The following CDH13 variants were observed in gnomAD, a reference collection of about 807,000 sequenced individuals.
The protein encoded by CDH13 is cadherin 13.
CDH13 carries 24 observed loss-of-function variants against 63.8 expected under a neutral mutation model. That is an observed-to-expected ratio of 0.38 (90% CI 0.27 to 0.53). CDH13 has a LOEUF of 0.53. CDH13 is among the 20% of genes least tolerant of loss of function. CDH13 has a pLI of 0.85. For synonymous variants in CDH13, 503 were observed against 355.3 expected, an observed-to-expected ratio of 1.42 and a Z score of -4.67; for missense variants, 1,049 against 903.1, an observed-to-expected ratio of 1.16 and a Z score of -2.07.
chr16:83,006,932 G>GTTTGTT (rs1555560586), intron 2 of CDH13, among the ~76,000 whole-genome samples: 16 of 121,762 alleles, frequency 1.3e-4, no homozygotes, highest in East Asian at 8.8e-4. Context: ...TTGTTTGTTT[G>GTTTGTT]TTTTTTTTGA....
At chr16:83,616,787 G>T (rs2150771065) in intron 8 of CDH13, among the ~76,000 whole-genome samples, 1 of 152,234 alleles carries the variant, frequency 6.6e-6, no homozygotes, top group African/African-American at 2.4e-5. Context: ...AACAATTTTA[G>T]AAGTAAGATC....
intron 8 of CDH13, among the ~76,000 whole-genome samples, chr16:83,651,579 T>G (rs1912377783): frequency 6.7e-6 from 1 of 149,178 alleles, no homozygotes; most frequent in African/African-American, 2.5e-5. Context: ...ATTGGTCTTT[T>G]ATTTTCCTCT....
intron 7 of CDH13, among the ~76,000 whole-genome samples, chr16:83,522,384 T>TGA (rs965844069): frequency 9.2e-5 from 14 of 152,318 alleles, no homozygotes; most frequent in Admixed American, 8.5e-4. Context: ...CATGAGTATA[T>TGA]GAGGTAAGGC....
At chr16:83,788,324 C>A (rs1349942783) in intron 13 of CDH13, among the ~76,000 whole-genome samples, 4 of 152,186 alleles carry the variant, frequency 2.6e-5, no homozygotes, top group Non-Finnish European at 5.9e-5. Flanking sequence ...CCAGGCCCAT[C>A]CAACCTATGG....
At chr16:83,569,366 T>A (rs1032949801) in intron 7 of CDH13, among the ~76,000 whole-genome samples, 3 of 152,202 alleles carry the variant, frequency 2.0e-5, no homozygotes, top group African/African-American at 7.2e-5. Context: ...TGTAAGCCAG[T>A]CTGCTCAGGG....
At chr16:83,498,232 C>T (rs528173421) in intron 7 of CDH13, among the ~76,000 whole-genome samples, 2 of 152,204 alleles carry the variant, frequency 1.3e-5, no homozygotes, top group East Asian at 3.9e-4. Context: ...AGGGGCACTC[C>T]CTGGAGCTGA....
intron 11 of CDH13, among the ~76,000 whole-genome samples, chr16:83,762,053 C>A (rs1044116533): frequency 6.6e-6 from 1 of 151,988 alleles, no homozygotes; most frequent in Non-Finnish European, 1.5e-5. Context: ...CAGAGCGAGA[C>A]CCCACCTAAA....
chr16:83,299,911 C>T (rs1042837780), intron 5 of CDH13, among the ~76,000 whole-genome samples: 2 of 152,158 alleles, frequency 1.3e-5, no homozygotes, highest in Admixed American at 6.5e-5. Context: ...CGATGCTGAC[C>T]AGGGCTACAA....
intron 5 of CDH13, among the ~76,000 whole-genome samples, chr16:83,341,536 C>T (rs963410427): frequency 6.6e-6 from 1 of 152,192 alleles, no homozygotes; most frequent in African/African-American, 2.4e-5. Flanking sequence ...CTGGATGAAC[C>T]TCTGCATAAA....
At chr16:83,533,542 G>C (rs150608867) in intron 7 of CDH13, among the ~76,000 whole-genome samples, 2 of 152,202 alleles carry the variant, frequency 1.3e-5, no homozygotes, top group African/African-American at 4.8e-5. Context: ...CCCAGCACAA[G>C]GAGGTGGTGG....
chr16:82,664,464 C>T (rs1912351880), intron 1 of CDH13, among the ~76,000 whole-genome samples: 1 of 152,196 alleles, frequency 6.6e-6, no homozygotes, highest in Admixed American at 6.5e-5. Flanking sequence ...GAAAAGCTGC[C>T]AGCCAGTGAG....
chr16:83,030,833 G>C (rs1916241448), intron 2 of CDH13, among the ~76,000 whole-genome samples: 1 of 151,620 alleles, frequency 6.6e-6, no homozygotes, highest in African/African-American at 2.4e-5. Flanking sequence ...GACATTTTCA[G>C]CCTCATTTCC....
At chr16:83,116,451 C>T (rs921327372) in intron 3 of CDH13, among the ~76,000 whole-genome samples, 2 of 152,188 alleles carry the variant, frequency 1.3e-5, no homozygotes, top group Non-Finnish European at 2.9e-5. Flanking sequence ...AGGGGGCTGA[C>T]CTTGACACAC....
chr16:83,711,330 C>A (rs147442349), intron 10 of CDH13, among the ~76,000 whole-genome samples: 1 of 152,066 alleles, frequency 6.6e-6, no homozygotes, highest in Admixed American at 6.5e-5. Flanking sequence ...AAATGCCAGA[C>A]GGGCTGTGGT....
chr16:82,778,525 C>T (rs1465137646), intron 1 of CDH13, among the ~76,000 whole-genome samples: 19 of 136,144 alleles, frequency 1.4e-4, no homozygotes, highest in African/African-American at 5.4e-4. Context: ...TGCTTAAGAC[C>T]TTGTTGTAGC....
At position 83,000,834 on chromosome 16, in the gene CDH13, C is replaced by T. The variant is rs1043825238; in HGVS notation, c.158-31176C>T. 2.6e-5 allele frequency among the ~76,000 whole-genome samples: 4 copies of T among 152,306 alleles called. No individual in the cohort carries two copies. In the East Asian group the frequency reaches 5.8e-4, roughly 22 times the overall value. ...GCCCGCATGATCCGCCCGCCTCGGC[C>T]TCCCAAGGTTCTGGGATTACCGGCG... On this transcript the variant is annotated intron_variant, in intron 2 of 13. Transcript: ENST00000567109.
intron 8 of CDH13, among the ~76,000 whole-genome samples, chr16:83,605,907 G>C (rs1908285691): frequency 6.6e-6 from 1 of 152,192 alleles, no homozygotes; most frequent in African/African-American, 2.4e-5. Context: ...CAGGAGAGGT[G>C]GCAGAATCTG....
chr16:83,704,107 A>G (rs1906653861), intron 10 of CDH13, among the ~76,000 whole-genome samples: 1 of 152,176 alleles, frequency 6.6e-6, no homozygotes, highest in Non-Finnish European at 1.5e-5. Context: ...TACAGTTCAA[A>G]AGTGTTCATG....
rs146194155 is a variant in CDH13, at chr16:83,507,263, C to G, written c.960+20608C>G. 1.8e-3 allele frequency among the ~76,000 whole-genome samples: 273 copies of G among 152,320 alleles called. 3 individuals carry two copies. In the East Asian group the frequency reaches 0.034, roughly 19 times the overall value. On this transcript the variant is annotated intron_variant, in intron 7 of 13. Transcript: ENST00000567109. Reference sequence around the variant, plus strand: ...ATATTTTTATTACAGTCTCTCTCCTCTGTCGATTCTAGGCTTCTTGAGAAA... The same window carrying G: ...ATATTTTTATTACAGTCTCTCTCCTGTGTCGATTCTAGGCTTCTTGAGAAA...
Sources: allele counts gnomAD v4.1 joint callset (sites outside exome capture counted in the v4.1 genomes callset), GRCh38; gene constraint gnomAD v4.1.1; transcripts MANE v1.5; gene names NCBI Gene and HGNC (gene_info 2026-07-23, HGNC 2026-07-21).